Variants in PDLIM5 observed in about 807,000 individuals in gnomAD.
PDLIM5 encodes the protein PDZ and LIM domain protein 5.
In PDLIM5, 34 loss-of-function variants were observed where a neutral mutation model predicts 64.2. That is an observed-to-expected ratio of 0.53 (90% CI 0.40 to 0.71). The LOEUF (loss-of-function observed/expected upper bound fraction) is 0.71. Among genes scored for constraint, PDLIM5 ranks in the 30% least tolerant of loss-of-function variants. PDLIM5 has a pLI of 0.00. For missense variants in PDLIM5, 683 were observed against 733.6 expected, an observed-to-expected ratio of 0.93 and a Z score of 0.80; for synonymous variants, 253 against 269.1, an observed-to-expected ratio of 0.94 and a Z score of 0.59.
intron 2 of PDLIM5, among the ~76,000 whole-genome samples, chr4:94,522,532 C>A (rs1249574912): frequency 6.6e-6 from 1 of 152,040 alleles, no homozygotes; most frequent in African/African-American, 2.4e-5. Context: ...TGCACCACCA[C>A]GCCCGGCTGA....
At chr4:94,553,704 T>G (rs1286375553) in intron 3 of PDLIM5, among the ~76,000 whole-genome samples, 1 of 152,142 alleles carries the variant, frequency 6.6e-6, no homozygotes, top group African/African-American at 2.4e-5. Context: ...GTGTGTCGTG[T>G]GAATGATCCT....
At chr4:94,588,098 A>C in intron 7 of PDLIM5, 2 of 932,066 alleles carry the variant, frequency 2.1e-6, no homozygotes, top group Non-Finnish European at 1.3e-6. Flanking sequence ...AAGTTTGGAA[A>C]AGTATTGTAA....
chr4:94,596,107 A>G (rs1183258596), intron 7 of PDLIM5, among the ~76,000 whole-genome samples: 6 of 152,170 alleles, frequency 3.9e-5, no homozygotes, highest in Admixed American at 3.9e-4. Flanking sequence ...AACATAAGTA[A>G]TTACTACACT....
chr4:94,573,463 T>A, intron 4 of PDLIM5, 70 bp downstream of exon 4: 17 of 1,131,496 alleles, frequency 1.5e-5, no homozygotes, highest in Non-Finnish European at 2.2e-5. Flanking sequence ...TTCCCATTAC[T>A]GTCTCAGACC....
At chr4:94,608,279 C>T (rs10033359) in intron 7 of PDLIM5, 720,302 of 728,508 alleles carry the variant, frequency 0.99, 356,188 homozygotes, top group East Asian at 1. Context: ...GATTACAGAA[C>T]GGACATCATT....
intron 2 of PDLIM5, among the ~76,000 whole-genome samples, chr4:94,519,460 A>G (rs930145479): frequency 6.6e-6 from 1 of 152,220 alleles, no homozygotes; most frequent in Admixed American, 6.5e-5. Context: ...TTCGGGTCAC[A>G]CAACCAGCAA....
chr4:94,588,621 T>C (rs936582434), intron 7 of PDLIM5, among the ~76,000 whole-genome samples: 6 of 151,810 alleles, frequency 4.0e-5, no homozygotes, highest in Non-Finnish European at 7.4e-5. Context: ...CAGTAAAGGA[T>C]CATGTTTGAT....
At chr4:94,540,629 G>A (rs1034203393) in intron 3 of PDLIM5, among the ~76,000 whole-genome samples, 1 of 152,204 alleles carries the variant, frequency 6.6e-6, no homozygotes, top group Non-Finnish European at 1.5e-5. Flanking sequence ...GTGGAGGAAT[G>A]AGAGTTCCAG....
chr4:94,638,764 A>C (rs185810637), intron 8 of PDLIM5, among the ~76,000 whole-genome samples: 3 of 152,226 alleles, frequency 2.0e-5, no homozygotes, highest in African/African-American at 7.2e-5. Flanking sequence ...GGAGCAGACC[A>C]TCTGTTGGTT....
chr4:94,607,807 C>T (rs75527256), intron 7 of PDLIM5, among the ~76,000 whole-genome samples: 2,135 of 152,154 alleles, frequency 0.014, 50 homozygotes, highest in African/African-American at 0.047. Flanking sequence ...CTCCTTTTCC[C>T]CTGTAAGCGT....
chr4:94,475,556 GAAAATA>G (rs1725251512), intron 2 of PDLIM5, among the ~76,000 whole-genome samples: 1 of 152,072 alleles, frequency 6.6e-6, no homozygotes, highest in East Asian at 1.9e-4. Flanking sequence ...TTCTTTAAAT[GAAAATA>G]AAAATAAAAA....
intron 3 of PDLIM5, among the ~76,000 whole-genome samples, chr4:94,560,327 C>G (rs1733724515): frequency 6.6e-6 from 1 of 151,974 alleles, no homozygotes; most frequent in African/African-American, 2.4e-5. Context: ...GACAGGTGGA[C>G]TTTAGTTTCA....
chr4:94,566,832 T>C (rs1430963557), intron 3 of PDLIM5, among the ~76,000 whole-genome samples: 1 of 152,248 alleles, frequency 6.6e-6, no homozygotes, highest in Non-Finnish European at 1.5e-5. Flanking sequence ...TTATCCTGTA[T>C]ATGACCCTCA....
rs540663436 is a variant in PDLIM5, at chr4:94,526,239, G to A, written c.248+2364G>A. Among the ~76,000 whole-genome samples, 103 of 152,296 alleles carry A rather than the reference G, an allele frequency of 6.8e-4. 2 individuals are homozygous for A. In the South Asian group the frequency reaches 0.019, roughly 28 times the overall value. On this transcript the variant is annotated intron_variant, in intron 3 of 12. Coordinates refer to ENST00000317968, the MANE Select transcript of PDLIM5 (RefSeq NM_006457.5). ...TTGAAAACACTTCTGAGCCCCATAA[G>A]AGTAGATAAAAACCAGATGTTGCCC...
chr4:94,461,911 C>T (rs540628533), intron 2 of PDLIM5, among the ~76,000 whole-genome samples: 4 of 152,296 alleles, frequency 2.6e-5, no homozygotes, highest in East Asian at 1.9e-4. Flanking sequence ...GTCACCCAGG[C>T]GGGAGTGCAG....
At chr4:94,466,940 G>C (rs1339253990) in intron 2 of PDLIM5, among the ~76,000 whole-genome samples, 1 of 152,142 alleles carries the variant, frequency 6.6e-6, no homozygotes, top group Non-Finnish European at 1.5e-5. Context: ...GAAATCCTTG[G>C]CTATACTAGG....
intron 3 of PDLIM5, among the ~76,000 whole-genome samples, chr4:94,545,768 G>A (rs573915441): frequency 6.6e-6 from 1 of 152,084 alleles, no homozygotes; most frequent in Non-Finnish European, 1.5e-5. Flanking sequence ...TTATTGTTGT[G>A]TGCATTTCAC....
chr4:94,583,681 A>G (rs1435450206), intron 5 of PDLIM5, among the ~76,000 whole-genome samples: 1 of 152,180 alleles, frequency 6.6e-6, no homozygotes, highest in Non-Finnish European at 1.5e-5. Context: ...TGGAATCATG[A>G]TATTACCATA....
At chr4:94,480,853 A>G (rs1344745857) in intron 2 of PDLIM5, among the ~76,000 whole-genome samples, 2 of 152,174 alleles carry the variant, frequency 1.3e-5, no homozygotes, top group African/African-American at 4.8e-5. Context: ...AAAGGTTTAC[A>G]TCCCCCAGCC....
Sources: allele counts gnomAD v4.1 joint callset (sites outside exome capture counted in the v4.1 genomes callset), GRCh38; gene constraint gnomAD v4.1.1; transcripts MANE v1.5; gene names NCBI Gene and HGNC (gene_info 2026-07-23, HGNC 2026-07-21).